Variants in TRAK1 observed in about 807,000 individuals in gnomAD.
The protein encoded by TRAK1 is trafficking kinesin-binding protein 1.
TRAK1 carries 33 observed loss-of-function variants against 92.1 expected under a neutral mutation model. That is an observed-to-expected ratio of 0.36 (90% CI 0.27 to 0.48). The LOEUF is 0.48. TRAK1 is among the 20% of genes least tolerant of loss of function. TRAK1 has a pLI of 0.99. For synonymous variants in TRAK1, 521 were observed against 517.3 expected, an observed-to-expected ratio of 1.01 and a Z score of -0.10; for missense variants, 1,123 against 1,257.9, an observed-to-expected ratio of 0.89 and a Z score of 1.62.
intron 1 of TRAK1, among the ~76,000 whole-genome samples, chr3:42,111,535 A>G (rs1708406393): frequency 6.6e-6 from 1 of 151,986 alleles, no homozygotes; most frequent in African/African-American, 2.4e-5. Flanking sequence ...AGCTGGGACT[A>G]CAGGCGCCCA....
chr3:42,184,714 C>A lies in TRAK1; in HGVS notation c.393C>A (p.Arg131=), dbSNP rs765556287. The A allele has an allele frequency of 6.2e-7, 1 of 1,614,208 alleles. No homozygotes were observed. Among genetic ancestry groups the A allele is most frequent in the South Asian group, 1.1e-5 (1 of 91,082 alleles). The change falls in exon 4 of 16, where the codon CGC becomes CGA. Residue 131 remains arginine (R), a synonymous_variant. Coordinates refer to ENST00000327628, the MANE Select transcript of TRAK1 (RefSeq NM_001042646.3). ...AGCGGGATTTAGAATTGGCCGCTCG[C>A]ATCGGCCAGTCGTTGTTGAAGAAGA... ...EKERDLELAA[R]IGQSLLKKNK...
intron 7 of TRAK1, among the ~76,000 whole-genome samples, chr3:42,192,321 A>C (rs1411920455): frequency 1.3e-5 from 2 of 152,194 alleles, no homozygotes; most frequent in Non-Finnish European, 2.9e-5. Context: ...CAGGGTTCTC[A>C]CCTTTGCAAA....
At chr3:42,098,519 G>C (rs1706270064) in intron 1 of TRAK1, among the ~76,000 whole-genome samples, 1 of 152,316 alleles carries the variant, frequency 6.6e-6, no homozygotes, top group African/African-American at 2.4e-5. Context: ...AAGCAGGAAG[G>C]CTGAAGACCG....
At chr3:42,174,643 G>T (rs1047724113) in intron 2 of TRAK1, among the ~76,000 whole-genome samples, 17 of 141,114 alleles carry the variant, frequency 1.2e-4, no homozygotes, top group African/African-American at 4.6e-4. Context: ...GCTAATTTTT[G>T]TGTGTATATA....
chr3:42,026,424 C>T (rs922063359), intron 1 of TRAK1, among the ~76,000 whole-genome samples: 3 of 151,976 alleles, frequency 2.0e-5, no homozygotes, highest in Non-Finnish European at 2.9e-5. Context: ...GCCAGGGCAC[C>T]GATTATTTTT....
At chr3:42,146,062 A>G in intron 2 of TRAK1, 2 of 448,958 alleles carry the variant, frequency 4.5e-6, no homozygotes, top group South Asian at 1.8e-5. Flanking sequence ...GGTTCTTCTG[A>G]GTAAGAAAGA....
At chr3:42,138,191 C>CA (rs1698189856) in intron 2 of TRAK1, among the ~76,000 whole-genome samples, 1 of 152,156 alleles carries the variant, frequency 6.6e-6, no homozygotes. Context: ...ACCCTATAGA[C>CA]ATATGCACTT....
At chr3:42,072,082 G>C (rs1703956350) in intron 1 of TRAK1, among the ~76,000 whole-genome samples, 1 of 152,184 alleles carries the variant, frequency 6.6e-6, no homozygotes, top group South Asian at 2.1e-4. Context: ...CCTCCATCCT[G>C]CCAGCTGCCT....
chr3:42,107,994 A>T (rs1234889961), intron 1 of TRAK1, among the ~76,000 whole-genome samples: 1 of 151,576 alleles, frequency 6.6e-6, no homozygotes, highest in Non-Finnish European at 1.5e-5. Flanking sequence ...GAATTCCAGG[A>T]TGTAGGGAAG....
At chr3:42,105,859 A>G (rs925054573) in intron 1 of TRAK1, among the ~76,000 whole-genome samples, 11 of 152,356 alleles carry the variant, frequency 7.2e-5, no homozygotes, top group Middle Eastern at 3.4e-3. Context: ...AGTGGGGGCC[A>G]ATATCCAACA....
intron 1 of TRAK1, among the ~76,000 whole-genome samples, chr3:42,113,102 C>G (rs1559783827): frequency 1.3e-5 from 2 of 151,118 alleles, no homozygotes; most frequent in Non-Finnish European, 3.0e-5. Context: ...TATTATAGGC[C>G]AGGGCGCTGT....
rs560292888 is a variant in TRAK1, at chr3:42,193,629, G to A, written c.901-195G>A. Among the ~76,000 whole-genome samples, 7 of 152,212 alleles carry A rather than the reference G, an allele frequency of 4.6e-5. No homozygotes were observed. The East Asian group carries it at 5.8e-4, about 13-fold the overall frequency. ...GAGCTTTGGAAGATGGGGGTGGGGCGGTGGGCTATAGAGAATGAATGTGGA... is the reference window on the plus strand; with the variant it reads ...GAGCTTTGGAAGATGGGGGTGGGGCAGTGGGCTATAGAGAATGAATGTGGA... On this transcript the variant is annotated intron_variant, in intron 8 of 15. Transcript: ENST00000327628.
In TRAK1 at chr3:42,188,145, C is replaced by G. The variant is rs760062464; in HGVS notation, c.581C>G (p.Pro194Arg). Residue 194 changes from proline (P) to arginine (R), a missense_variant and splice_region_variant, in exon 5 of 16, where the codon CCG (proline) becomes CGG (arginine). Coordinates refer to ENST00000327628, the MANE Select transcript of TRAK1 (RefSeq NM_001042646.3). ...ESEPESVCSTPLKRNESSSSV... is the reference protein window; with the variant it reads ...ESEPESVCSTRLKRNESSSSV... ...GAGCCCGAGTCCGTTTGCTCAACCC[C>G]GTAAGTCACCAGAGGGCTGTATTTC... 3 of 1,614,006 alleles carry G rather than the reference C, an allele frequency of 1.9e-6. No homozygotes were observed. Among genetic ancestry groups the G allele is most frequent in the Admixed American group, 3.3e-5 (2 of 60,006 alleles).
intron 1 of TRAK1, among the ~76,000 whole-genome samples, chr3:42,044,076 T>G (rs1484103466): frequency 6.6e-6 from 1 of 152,228 alleles, no homozygotes; most frequent in African/African-American, 2.4e-5. Context: ...TTTTGGATCT[T>G]AAAACTGATT....
chr3:42,021,384 C>T (rs557699686), intron 1 of TRAK1, among the ~76,000 whole-genome samples: 1 of 152,062 alleles, frequency 6.6e-6, no homozygotes, highest in Admixed American at 6.6e-5. Context: ...TGGGAAGTAG[C>T]TTTGTTTTCA....
rs550911334 is a variant in TRAK1 at position 42,191,252 on chromosome 3, A to T, written c.691-306A>T. ...AGGACAGCCACAAATAACAGATACA[A>T]TGATAGGATGGTGGTGTTCGTGGTG... On this transcript the variant is annotated intron_variant, in intron 6 of 15. Coordinates refer to ENST00000327628, the MANE Select transcript of TRAK1 (RefSeq NM_001042646.3). Among the ~76,000 whole-genome samples, 17 of 152,312 alleles carry T rather than the reference A, an allele frequency of 1.1e-4. No homozygotes were observed. In the East Asian group the frequency reaches 3.3e-3, roughly 29 times the overall value.
At chr3:42,174,998 G>C (rs931607935) in intron 2 of TRAK1, among the ~76,000 whole-genome samples, 1 of 152,102 alleles carries the variant, frequency 6.6e-6, no homozygotes, top group Non-Finnish European at 1.5e-5. Context: ...TATAGTGTTA[G>C]AGAAATAGCA....
intron 1 of TRAK1, among the ~76,000 whole-genome samples, chr3:42,096,767 C>T (rs1576326214): frequency 6.6e-6 from 1 of 152,328 alleles, no homozygotes; most frequent in Non-Finnish European, 1.5e-5. Flanking sequence ...CTCAAGGGTC[C>T]AAGACAGAAC....
At chr3:42,163,230 G>A (rs772749092) in intron 2 of TRAK1, among the ~76,000 whole-genome samples, 2 of 152,140 alleles carry the variant, frequency 1.3e-5, no homozygotes, top group Non-Finnish European at 2.9e-5. Flanking sequence ...TCAAAGTGGG[G>A]TCCCTGACCA....
Sources: gnomAD v4.1 joint callset for allele counts (sites outside exome capture counted in the v4.1 genomes callset) on GRCh38, gnomAD v4.1.1 for gene constraint, MANE v1.5 for transcripts, NCBI Gene and HGNC (gene_info 2026-07-23, HGNC 2026-07-21) for gene names.